The following BTBD7 variants were observed in gnomAD, a reference collection of about 807,000 sequenced individuals.
BTBD7 encodes the protein BTB/POZ domain-containing protein 7.
Under a neutral mutation model 99.9 loss-of-function variants are expected in BTBD7, and 38 were observed. That is an observed-to-expected ratio of 0.38 (90% CI 0.29 to 0.50). BTBD7 has a LOEUF of 0.50. Ranked by LOEUF, BTBD7 falls within the 20% of genes least tolerant of loss-of-function variation. The pLI, the probability that BTBD7 is intolerant of heterozygous loss-of-function variation, is 0.93. For synonymous variants in BTBD7, 520 were observed against 511.4 expected (o/e 1.02, Z -0.23); for missense variants, 1,170 against 1,394.6 (o/e 0.84, Z 2.57).
chr14:93,244,421 C>T (rs947765245), intron 10 of BTBD7: 5 of 172,106 alleles, frequency 2.9e-5, no homozygotes, highest in South Asian at 1.2e-4. Flanking sequence ...GAGGCTGAGG[C>T]GGGTGGATCA....
intron 3 of BTBD7, among the ~76,000 whole-genome samples, chr14:93,282,131 T>C (rs1250183090): frequency 6.6e-6 from 1 of 152,174 alleles, no homozygotes. Context: ...ACCACATAGG[T>C]TACTATAAAG....
chr14:93,276,892 A>ATTTTTTTT (rs549579457), intron 3 of BTBD7, among the ~76,000 whole-genome samples: 1 of 80,370 alleles, frequency 1.2e-5, no homozygotes, highest in Non-Finnish European at 2.2e-5. Context: ...ACACAGATTA[A>ATTTTTTTT]TTTTTTTTTT....
chr14:93,268,307 CCT>C (rs1429950632), intron 3 of BTBD7, among the ~76,000 whole-genome samples: 1 of 152,126 alleles, frequency 6.6e-6, no homozygotes, highest in Non-Finnish European at 1.5e-5. Flanking sequence ...TCTCTGGTAC[CCT>C]GTGTTTGTCT....
chr14:93,309,326 T>C lies in BTBD7; in HGVS notation c.-106-13169A>G, dbSNP rs77003208. ...AAAGAGTAAAATGGGCCAGGTGCAG[T>C]AGCTCACGCCTGTAATTCCAGCACT... On this transcript the variant is annotated intron_variant, in intron 1 of 10. Transcript: ENST00000334746. 6.1e-4 allele frequency among the ~76,000 whole-genome samples: 92 copies of C among 151,256 alleles called. No individual in the cohort carries two copies. The East Asian group carries it at 0.016, about 27-fold the overall frequency.
intron 3 of BTBD7, among the ~76,000 whole-genome samples, chr14:93,291,565 G>C (rs1039245193): frequency 6.6e-6 from 1 of 151,920 alleles, no homozygotes; most frequent in Admixed American, 6.6e-5. Context: ...TGGGTATGGG[G>C]GAAAGATATG....
intron 6 of BTBD7, among the ~76,000 whole-genome samples, chr14:93,254,901 C>T (rs774019429): frequency 1.3e-5 from 2 of 152,158 alleles, no homozygotes; most frequent in Admixed American, 6.5e-5. Context: ...TATTTCCTAA[C>T]CAAAGTTCTA....
rs770370250 is a variant in BTBD7, at chr14:93,261,619, T to C, written c.1430A>G (p.Lys477Arg). The change falls in exon 5 of 11, where the codon AAA becomes AGA. Residue 477 changes from lysine to arginine, a missense_variant. By Grantham distance (26) the Lys-to-Arg change is conservative. Transcript: ENST00000334746. ...GAGCTTACCTCTATCTGCTATTCTT[T>C]TCATCAACTGATGCTCTCCCCATTT... ...LIKWGEHQLMKRIADREPNLL... is the reference protein window; with the variant it reads ...LIKWGEHQLMRRIADREPNLL... The C allele has an allele frequency of 1.2e-6, 2 of 1,611,912 alleles. No homozygotes were observed. Among genetic ancestry groups the C allele is most frequent in the African/African-American group, 2.7e-5 (2 of 74,886 alleles).
At chr14:93,263,710 A>G in intron 4 of BTBD7, 75 bp downstream of exon 4, 1 of 1,379,152 alleles carries the variant, frequency 7.3e-7, no homozygotes, top group Non-Finnish European at 1.0e-6. Flanking sequence ...CCCTAGATGG[A>G]AGAGTAATAG....
chr14:93,251,633 A>G lies in BTBD7; in HGVS notation c.1772T>C (p.Met591Thr). The G allele has an allele frequency of 6.2e-7, 1 of 1,612,850 alleles. No homozygotes were observed. Among genetic ancestry groups the G allele is most frequent in the African/African-American group, 1.3e-5 (1 of 75,038 alleles). ...EEAKSVLDEM[M>T]VEQTDLVRLR... ...GCGCACAAGATCCGTTTGTTCCACCATCATCTCATCTAGCACTGACTGAAA... is the reference window on the plus strand; with the variant it reads ...GCGCACAAGATCCGTTTGTTCCACCGTCATCTCATCTAGCACTGACTGAAA... The change falls in exon 8 of 11, where the codon ATG becomes ACG. Residue 591 changes from methionine (M) to threonine (T), a missense_variant. Physicochemically the swap from Met to Thr is moderately conservative, Grantham distance 81. Coordinates refer to ENST00000334746, the MANE Select transcript of BTBD7 (RefSeq NM_001002860.4).
rs917176099 is a variant in BTBD7 at position 93,279,352 on chromosome 14, G to A, written c.1162+14506C>T. 2.0e-4 allele frequency among the ~76,000 whole-genome samples: 31 copies of A among 152,130 alleles called. 2 individuals carry two copies. The highest frequency in any genetic ancestry group is 2.0e-3 in the Admixed American group (30 of 15,272). ...CCAGTTCCTGCTGCCTGATATGCTC[G>A]CTTTTACCTCCAATCTTTGCTTAAC... On this transcript the variant is annotated intron_variant, in intron 3 of 10. Coordinates refer to ENST00000334746, the MANE Select transcript of BTBD7 (RefSeq NM_001002860.4).
chr14:93,239,139 T>C lies in BTBD7; in HGVS notation c.*3134A>G, dbSNP rs1444343305. The C allele has an allele frequency of 6.6e-6, 1 of 152,388 alleles. No individual in the cohort carries two copies. Among genetic ancestry groups the C allele is most frequent in the African/African-American group, 2.4e-5 (1 of 41,462 alleles). 9.4% of individuals were successfully genotyped at this position (152,388 alleles called of 1,614,324 possible). A position where few individuals can be genotyped will look rare whatever the true frequency, so the allele number is the denominator to read the frequency against. On this transcript the variant is annotated 3_prime_UTR_variant, in exon 11 of 11. Coordinates refer to ENST00000334746, the MANE Select transcript of BTBD7 (RefSeq NM_001002860.4). Reference sequence around the variant, plus strand: ...CTTTTTGCCTTTCATGATGCTGTTTTTTCCTTAGGAGCCACGGGTGACTCT... The same window carrying C: ...CTTTTTGCCTTTCATGATGCTGTTTCTTCCTTAGGAGCCACGGGTGACTCT...
intron 1 of BTBD7, among the ~76,000 whole-genome samples, chr14:93,327,246 AACC>A (rs1489290750): frequency 2.0e-5 from 3 of 152,242 alleles, no homozygotes; most frequent in Non-Finnish European, 4.4e-5. Context: ...TACTGGGTTA[AACC>A]TTACTCTTCT....
In BTBD7 at chr14:93,242,845, GAT is replaced by G; in HGVS notation, c.2825_2826del (p.Tyr942SerfsTer5). 1 of 1,614,148 alleles carries G rather than the reference GAT, an allele frequency of 6.2e-7. No homozygotes were observed. The highest frequency in any genetic ancestry group is 8.5e-7 in the Non-Finnish European group (1 of 1,180,034). ...GCATTTGAGAAGTCATAGAAATCCG[GAT>G]ATTCCTGTGGATTTTCTCTGGTGTC... ...KTDTRENPQE[Y>X]PDFYDFSNAA... is the part of the protein sequence containing the mutation. On this transcript the variant is annotated frameshift_variant, in exon 11 of 11. Transcript: ENST00000334746. LOFTEE classifies it high-confidence loss of function.
At chr14:93,299,079 T>C (rs1352408575) in intron 1 of BTBD7, among the ~76,000 whole-genome samples, 1 of 152,096 alleles carries the variant, frequency 6.6e-6, no homozygotes, top group African/African-American at 2.4e-5. Context: ...CTCTATATAC[T>C]AAAATAAACA....
At chr14:93,256,387 T>G (rs2052430118) in intron 6 of BTBD7, 1 of 151,450 alleles carries the variant, frequency 6.6e-6, no homozygotes, top group African/African-American at 2.5e-5. Flanking sequence ...TTATAATATT[T>G]ATTTTTCCCA....
At chr14:93,327,194 T>C (rs1397533179) in intron 1 of BTBD7, among the ~76,000 whole-genome samples, 3 of 152,156 alleles carry the variant, frequency 2.0e-5, no homozygotes, top group Non-Finnish European at 4.4e-5. Context: ...AAAATAAACA[T>C]TATTTCCATT....
intron 5 of BTBD7, among the ~76,000 whole-genome samples, chr14:93,259,007 C>T (rs2052460622): frequency 1.3e-5 from 2 of 152,168 alleles, no homozygotes; most frequent in African/African-American, 4.8e-5. Flanking sequence ...TGGTCTATAA[C>T]ATTTACACAG....
chr14:93,287,316 C>G (rs1311930285), intron 3 of BTBD7, among the ~76,000 whole-genome samples: 4 of 124,696 alleles, frequency 3.2e-5, no homozygotes, highest in Admixed American at 1.6e-4. Context: ...AACCCTAAAC[C>G]CCCCCGCCCC....
At chr14:93,254,653 G>T (rs2052409676) in intron 6 of BTBD7, among the ~76,000 whole-genome samples, 1 of 152,192 alleles carries the variant, frequency 6.6e-6, no homozygotes, top group African/African-American at 2.4e-5. Flanking sequence ...AGGCAAGGCA[G>T]TGCACAGCTA....
Sources: allele counts gnomAD v4.1 joint callset (sites outside exome capture counted in the v4.1 genomes callset), GRCh38; gene constraint gnomAD v4.1.1; transcripts MANE v1.5; gene names NCBI Gene and HGNC (gene_info 2026-07-23, HGNC 2026-07-21).